The following MUSK variants were observed in gnomAD, a reference collection of about 807,000 sequenced individuals.
The protein encoded by MUSK is muscle, skeletal receptor tyrosine-protein kinase.
MUSK carries 55 observed loss-of-function variants against 88.7 expected under a neutral mutation model. That is an observed-to-expected ratio of 0.62 (90% CI 0.50 to 0.78). MUSK has a LOEUF of 0.78. Among genes scored for constraint, MUSK ranks in the 30% least tolerant of loss-of-function variants. The pLI is 0.00. For synonymous variants in MUSK, 387 were observed against 391.9 expected (o/e 0.99, Z 0.15); for missense variants, 1,015 against 1,074.3 (o/e 0.94, Z 0.77).
At chr9:110,730,918 C>T (rs2076954780) in intron 5 of MUSK, among the ~76,000 whole-genome samples, 1 of 152,016 alleles carries the variant, frequency 6.6e-6, no homozygotes. Context: ...CCCCTTGACT[C>T]TTAGTTGTAG....
chr9:110,742,038 T>C (rs1420735830), intron 6 of MUSK, among the ~76,000 whole-genome samples: 1 of 152,220 alleles, frequency 6.6e-6, no homozygotes, highest in Non-Finnish European at 1.5e-5. Flanking sequence ...GTTCTTTACC[T>C]CTCTAAGAAC....
intron 7 of MUSK, among the ~76,000 whole-genome samples, chr9:110,752,669 T>C (rs2077262686): frequency 6.6e-6 from 1 of 152,242 alleles, no homozygotes; most frequent in Admixed American, 6.5e-5. Flanking sequence ...GTTTATTTGC[T>C]CTTCCCAGCA....
intron 14 of MUSK, 146 bp downstream of exon 14, chr9:110,787,984 T>C (rs1238717325): frequency 1.2e-6 from 1 of 845,652 alleles, no homozygotes; most frequent in Non-Finnish European, 2.0e-6. Context: ...CACCTTGGTC[T>C]ATCCCAACCC....
chr9:110,683,954 T>A (rs374434582), intron 2 of MUSK, among the ~76,000 whole-genome samples: 429 of 152,234 alleles, frequency 2.8e-3, no homozygotes, highest in African/African-American at 9.8e-3. Context: ...GTTTATTGTA[T>A]CCTTTGCTGT....
chr9:110,739,504 T>G (rs2077071173), intron 6 of MUSK, among the ~76,000 whole-genome samples: 1 of 152,138 alleles, frequency 6.6e-6, no homozygotes, highest in Admixed American at 6.6e-5. Flanking sequence ...TGGCCTAGGA[T>G]TCCAAGTATT....
At chr9:110,690,037 ATAAGTATAAATATATAAATATATATTATG>A (rs1564218933) in intron 3 of MUSK, among the ~76,000 whole-genome samples, 28 of 94,080 alleles carry the variant, frequency 3.0e-4, no homozygotes, top group Non-Finnish European at 4.0e-4. Context: ...ATATATTAAT[ATAAGTATAAATATATAAATATATATTATG>A]TAAGTATAAA....
At chr9:110,685,132 C>A (rs1401108221) in intron 2 of MUSK, among the ~76,000 whole-genome samples, 2 of 151,892 alleles carry the variant, frequency 1.3e-5, no homozygotes, top group Non-Finnish European at 2.9e-5. Flanking sequence ...TATTTTGAGG[C>A]ATTTTCCATC....
intron 14 of MUSK, among the ~76,000 whole-genome samples, chr9:110,789,217 C>A (rs989948462): frequency 1.3e-5 from 2 of 152,176 alleles, no homozygotes; most frequent in Non-Finnish European, 1.5e-5. Flanking sequence ...ACAGGTATTG[C>A]AATGATGCAG....
intron 8 of MUSK, among the ~76,000 whole-genome samples, chr9:110,764,370 C>T (rs754452353): frequency 6.6e-6 from 1 of 152,176 alleles, no homozygotes. Context: ...CCAGTTCTTG[C>T]TGTGAGCTCC....
At chr9:110,713,282 C>A (rs547932602) in intron 5 of MUSK, among the ~76,000 whole-genome samples, 2 of 135,316 alleles carry the variant, frequency 1.5e-5, no homozygotes, top group Admixed American at 8.0e-5. Flanking sequence ...TTTTTTGAGA[C>A]AGAGTCTCTC....
chr9:110,750,821 A>G (rs73655618), intron 7 of MUSK, among the ~76,000 whole-genome samples: 135 of 152,316 alleles, frequency 8.9e-4, no homozygotes, highest in African/African-American at 3.1e-3. Flanking sequence ...AAGAAGTTAG[A>G]AAAACTCCAT....
intron 5 of MUSK, among the ~76,000 whole-genome samples, chr9:110,721,330 C>T (rs2076808870): frequency 1.3e-5 from 2 of 151,964 alleles, no homozygotes; most frequent in South Asian, 4.1e-4. Flanking sequence ...TAATCTTATA[C>T]CTAGAAAACC....
Position 110,804,072 on chromosome 9 carries a change from T to C in MUSK, c.*3084T>C, listed in dbSNP as rs2078128782. ...AACACTTTCTTTTCATTTTACAGTATATTACGAACCTGTTCCACGTCATTA... is the reference window on the plus strand; with the variant it reads ...AACACTTTCTTTTCATTTTACAGTACATTACGAACCTGTTCCACGTCATTA... On this transcript the variant is annotated 3_prime_UTR_variant, in exon 15 of 15. Coordinates refer to ENST00000374448, the MANE Select transcript of MUSK (RefSeq NM_005592.4). 6.6e-6 allele frequency among the ~76,000 whole-genome samples: 1 copy of C among 152,210 alleles called. No individual in the cohort carries two copies. The highest frequency in any genetic ancestry group is 1.5e-5 in the Non-Finnish European group (1 of 68,026).
intron 5 of MUSK, among the ~76,000 whole-genome samples, chr9:110,718,875 C>G (rs1294444447): frequency 6.6e-6 from 1 of 152,068 alleles, no homozygotes; most frequent in Non-Finnish European, 1.5e-5. Flanking sequence ...ATCAGAGTAA[C>G]AGCAGATTTC....
intron 5 of MUSK, among the ~76,000 whole-genome samples, chr9:110,702,328 C>T (rs1229789044): frequency 6.6e-6 from 1 of 151,720 alleles, no homozygotes; most frequent in East Asian, 1.9e-4. Flanking sequence ...TTTTAAGACC[C>T]TTAAAGGGGC....
intron 3 of MUSK, among the ~76,000 whole-genome samples, chr9:110,691,181 C>G (rs1160714144): frequency 6.6e-6 from 1 of 152,034 alleles, no homozygotes; most frequent in Non-Finnish European, 1.5e-5. Flanking sequence ...TCAGCGTAGC[C>G]AATCGATGAC....
At chr9:110,740,731 C>T (rs947232275) in intron 6 of MUSK, among the ~76,000 whole-genome samples, 1 of 152,110 alleles carries the variant, frequency 6.6e-6, no homozygotes, top group African/African-American at 2.4e-5. Flanking sequence ...AATTTGTATA[C>T]TGCTTTTAAA....
intron 7 of MUSK, among the ~76,000 whole-genome samples, chr9:110,754,588 TC>T (rs1035525331): frequency 1.3e-5 from 2 of 152,220 alleles, no homozygotes; most frequent in Admixed American, 1.3e-4. Flanking sequence ...TTGGCTTATC[TC>T]CATGCTCCTT....
chr9:110,726,527 C>T (rs2131819058), intron 5 of MUSK, among the ~76,000 whole-genome samples: 2 of 152,126 alleles, frequency 1.3e-5, no homozygotes, highest in South Asian at 2.1e-4. Context: ...TGACAAAGAA[C>T]ACTCTAAGAG....
Sources: allele counts gnomAD v4.1 joint callset (sites outside exome capture counted in the v4.1 genomes callset), GRCh38; gene constraint gnomAD v4.1.1; transcripts MANE v1.5; gene names NCBI Gene and HGNC (gene_info 2026-07-23, HGNC 2026-07-21).